Variants in TSHZ1 observed in about 807,000 individuals in gnomAD.
TSHZ1 encodes the protein teashirt homolog 1.
Under a neutral mutation model 67.1 loss-of-function variants are expected in TSHZ1, and 12 were observed. That is an observed-to-expected ratio of 0.18 (90% CI 0.11 to 0.29). TSHZ1 has a LOEUF of 0.29. Among genes scored for constraint, TSHZ1 ranks in the 10% least tolerant of loss-of-function variants. The probability of loss-of-function intolerance (pLI) is 1.00; values close to 1 mark genes in which losing one functional copy is unlikely to be tolerated. For missense variants in TSHZ1, 1,305 were observed against 1,413.9 expected (o/e 0.92, Z 1.23); for synonymous variants, 632 against 622.4 (o/e 1.02, Z -0.23).
chr18:75,247,672 A>G (rs2023240994), intron 1 of TSHZ1, among the ~76,000 whole-genome samples: 1 of 152,126 alleles, frequency 6.6e-6, no homozygotes, highest in East Asian at 1.9e-4. Flanking sequence ...TAATTTTTCC[A>G]GTGTTCTCCG....
intron 1 of TSHZ1, among the ~76,000 whole-genome samples, chr18:75,237,791 C>CATTTATTTATTTATTT (rs1555726446): frequency 6.8e-4 from 98 of 143,566 alleles, no homozygotes; most frequent in African/African-American, 2.2e-3. Context: ...TTCTTTCTTT[C>CATTTATTTATTTATTT]ATTTATTTAT....
At chr18:75,219,583 C>A (rs1291571412) in intron 1 of TSHZ1, among the ~76,000 whole-genome samples, 1 of 152,148 alleles carries the variant, frequency 6.6e-6, no homozygotes, top group Non-Finnish European at 1.5e-5. Flanking sequence ...GTAGTCTTTG[C>A]CATGCAGTCT....
intron 1 of TSHZ1, among the ~76,000 whole-genome samples, chr18:75,262,832 T>C (rs1025000932): frequency 2.6e-5 from 4 of 152,178 alleles, no homozygotes; most frequent in Non-Finnish European, 5.9e-5. Context: ...CCACCCTCTC[T>C]TCCATCTGTG....
chr18:75,270,736 CT>C (rs1334469794), intron 1 of TSHZ1, among the ~76,000 whole-genome samples: 3 of 152,126 alleles, frequency 2.0e-5, no homozygotes, highest in Admixed American at 6.5e-5. Context: ...ATCAAATATC[CT>C]TTTTTCCTAC....
chr18:75,216,122 CA>C lies in TSHZ1; in HGVS notation c.40+4207del, dbSNP rs1418800123. Among the ~76,000 whole-genome samples, 10 of 152,222 alleles carry C rather than the reference CA, an allele frequency of 6.6e-5. No homozygotes were observed. The East Asian group carries it at 1.5e-3, about 23-fold the overall frequency. On this transcript the variant is annotated intron_variant, in intron 1 of 1. Coordinates refer to ENST00000580243, the MANE Select transcript of TSHZ1 (RefSeq NM_001308210.2). ...TTTTGTTAATTATTATTTATTCATA[CA>C]GGGGGATGAAAATAGTAAGAAACAG... is the stretch of plus-strand genomic sequence containing the variant.
chr18:75,243,314 G>A (rs1599036451), intron 1 of TSHZ1, among the ~76,000 whole-genome samples: 1 of 152,190 alleles, frequency 6.6e-6, no homozygotes, highest in Admixed American at 6.5e-5. Flanking sequence ...TGTCGTATCT[G>A]AGGCATTCTA....
chr18:75,289,461 AGCTGACCTTTCTATAGCGT>A lies in TSHZ1; in HGVS notation c.*825_*843del, dbSNP rs779418281. The A allele has an allele frequency of 1.2e-5, 2 of 167,126 alleles. No homozygotes were observed. Among genetic ancestry groups the A allele is most frequent in the Admixed American group, 6.5e-5 (1 of 15,290 alleles). 10.4% of individuals were successfully genotyped at this position (167,126 alleles called of 1,614,324 possible). On this transcript the variant is annotated 3_prime_UTR_variant, in exon 2 of 2. Transcript: ENST00000580243. ...ATTTACAAATGTAAGCTTTGGTACA[AGCTGACCTTTCTATAGCGT>A]GCTGCATTGGTAAATGAAAAAAAAT...
At chr18:75,252,013 A>G (rs1360517693) in intron 1 of TSHZ1, among the ~76,000 whole-genome samples, 1 of 152,214 alleles carries the variant, frequency 6.6e-6, no homozygotes, top group Non-Finnish European at 1.5e-5. Flanking sequence ...AATTACCAAA[A>G]TTGATATTTG....
intron 1 of TSHZ1, among the ~76,000 whole-genome samples, chr18:75,272,116 C>T (rs866836486): frequency 9.2e-5 from 14 of 152,268 alleles, no homozygotes; most frequent in African/African-American, 2.6e-4. Flanking sequence ...CTCGACAGAG[C>T]AGAGAGGGGA....
Position 75,286,486 on chromosome 18 carries a change from C to T in TSHZ1, c.1079C>T (p.Ala360Val), listed in dbSNP as rs760530875. 1.4e-5 allele frequency: 23 copies of T among 1,614,090 alleles called. No homozygotes were observed. Among genetic ancestry groups the T allele is most frequent in the African/African-American group, 6.7e-5 (5 of 74,950 alleles). The change falls in exon 2 of 2, where the codon GCG becomes GTG. Residue 360 changes from alanine to valine, a missense_variant. Physicochemically the swap from Ala to Val is moderately conservative, Grantham distance 64. Coordinates refer to ENST00000580243, the MANE Select transcript of TSHZ1 (RefSeq NM_001308210.2). The surrounding 1 kb of genome is among the most constrained non-coding windows in gnomAD (Gnocchi z 5.1). Reference sequence around the variant, plus strand: ...AAAAAGCGGGCGCTTCAGGACCTGGCGCCCCCCTGCTCCCCTGAGCCAGCA... The same window carrying T: ...AAAAAGCGGGCGCTTCAGGACCTGGTGCCCCCCTGCTCCCCTGAGCCAGCA... ...STKKRALQDL[A>V]PPCSPEPAGM...
chr18:75,287,478 CAGA>C lies in TSHZ1; in HGVS notation c.2077_2079del (p.Lys693del), dbSNP rs2023792398. On this transcript the variant is annotated inframe_deletion, in exon 2 of 2. Coordinates refer to ENST00000580243, the MANE Select transcript of TSHZ1 (RefSeq NM_001308210.2). This position sits in a 1 kb window ranked among gnomAD's most constrained non-coding sequence, Gnocchi z 5.0. ...AACGGAGGAAGTCAGCGGCAAACCA[CAGA>C]AGAAGGGCCCTGAGGCCGAGACTGG... 1 of 1,614,116 alleles carries C rather than the reference CAGA, an allele frequency of 6.2e-7. No individual in the cohort carries two copies. Among genetic ancestry groups the C allele is most frequent in the African/African-American group, 1.3e-5 (1 of 74,944 alleles).
intron 1 of TSHZ1, among the ~76,000 whole-genome samples, chr18:75,246,355 G>T (rs977405062): frequency 6.7e-6 from 1 of 149,580 alleles, no homozygotes; most frequent in Non-Finnish European, 1.5e-5. Flanking sequence ...GATGACGATG[G>T]GGGCCTTGGT....
rs536198171 is a variant in TSHZ1, at chr18:75,289,182, T to C, written c.*541T>C. On this transcript the variant is annotated 3_prime_UTR_variant, in exon 2 of 2. Coordinates refer to ENST00000580243, the MANE Select transcript of TSHZ1 (RefSeq NM_001308210.2). ...AAAAATGAGCTTTTATATGCAGAAC[T>C]GGTTTGTGAGGAAACATGCATGCAG... is the stretch of plus-strand genomic sequence containing the variant. 37 of 167,212 alleles carry C rather than the reference T, an allele frequency of 2.2e-4. 1 individual carries two copies. The highest frequency in any genetic ancestry group is 8.7e-4 in the African/African-American group (36 of 41,548). The allele number at this position is 167,212 out of a possible 1,614,324, so 10.4% of individuals were successfully genotyped here. A position where few individuals can be genotyped will look rare whatever the true frequency, so the allele number is the denominator to read the frequency against.
chr18:75,278,801 T>C (rs1324967467), intron 1 of TSHZ1, among the ~76,000 whole-genome samples: 1 of 152,012 alleles, frequency 6.6e-6, no homozygotes, highest in African/African-American at 2.4e-5. Flanking sequence ...GTTACTATTA[T>C]TATTTGTATT....
chr18:75,229,874 C>T (rs1312970069), intron 1 of TSHZ1, among the ~76,000 whole-genome samples: 1 of 152,094 alleles, frequency 6.6e-6, no homozygotes, highest in East Asian at 1.9e-4. Context: ...AAGGAATTGC[C>T]CATGCCTCCT....
intron 1 of TSHZ1, among the ~76,000 whole-genome samples, chr18:75,242,234 G>A (rs2023165591): frequency 6.6e-6 from 1 of 152,126 alleles, no homozygotes; most frequent in Non-Finnish European, 1.5e-5. Context: ...ATAACCCATA[G>A]TTATCATTGA....
At chr18:75,275,321 C>A (rs139489603) in intron 1 of TSHZ1, among the ~76,000 whole-genome samples, 249 of 152,288 alleles carry the variant, frequency 1.6e-3, no homozygotes, top group African/African-American at 5.7e-3. Context: ...AGAAGTTCAC[C>A]TTTTTGGAAT....
In TSHZ1 at chr18:75,285,870, G is replaced by GACCC; in HGVS notation, c.463_464insACCC (p.Ala155AspfsTer66). 1 of 1,581,560 alleles carries GACCC rather than the reference G, an allele frequency of 6.3e-7. No homozygotes were observed. The highest frequency in any genetic ancestry group is 1.8e-5 in the Admixed American group (1 of 56,850). ...CGATGCCAGCCAGAAGGAGAGCTCC[G>GACCC]CCCCCACCCCCACACCCCCCACCTG... On this transcript the variant is annotated frameshift_variant, in exon 2 of 2. Coordinates refer to ENST00000580243, the MANE Select transcript of TSHZ1 (RefSeq NM_001308210.2). LOFTEE classifies it high-confidence loss of function.
At chr18:75,270,256 C>G (rs1218679138) in intron 1 of TSHZ1, among the ~76,000 whole-genome samples, 3 of 152,164 alleles carry the variant, frequency 2.0e-5, no homozygotes, top group African/African-American at 7.2e-5. Context: ...CCTCAGTTTC[C>G]TCATATGGGA....
Sources: gnomAD v4.1 joint callset for allele counts (sites outside exome capture counted in the v4.1 genomes callset) on GRCh38, gnomAD v4.1.1 for gene constraint, Gnocchi (gnomAD v3.1) non-coding constraint, MANE v1.5 for transcripts, NCBI Gene and HGNC (gene_info 2026-07-23, HGNC 2026-07-21) for gene names.